The following ASAH2B variants were observed in gnomAD, a reference collection of about 807,000 sequenced individuals.
The protein encoded by ASAH2B is N-acylsphingosine amidohydrolase 2B.
A neutral mutation model predicts 2.9 loss-of-function variants in ASAH2B; 1 was observed. That is an observed-to-expected ratio of 0.34 (90% CI 0.12 to 1.63). The LOEUF (loss-of-function observed/expected upper bound fraction) is 1.63, where lower values mean the gene tolerates loss of function less well. Among genes scored for constraint, ASAH2B ranks in the 40% most tolerant of loss-of-function variants. The probability of loss-of-function intolerance (pLI) is 0.36; values close to 1 mark genes in which losing one functional copy is unlikely to be tolerated. For synonymous variants in ASAH2B, 4 were observed against 13.3 expected, an observed-to-expected ratio of 0.30 and a Z score of 1.52; for missense variants, 9 against 37.7, an observed-to-expected ratio of 0.24 and a Z score of 1.99.
intron 5 of ASAH2B, among the ~76,000 whole-genome samples, chr10:50,754,126 T>C (rs1467961857): frequency 2.0e-5 from 3 of 149,472 alleles, no homozygotes; most frequent in Non-Finnish European, 4.4e-5. Context: ...GTATTCATTT[T>C]CTATATATAT....
chr10:50,744,213 A>G (rs1325132403), intron 2 of ASAH2B, among the ~76,000 whole-genome samples: 5 of 151,740 alleles, frequency 3.3e-5, no homozygotes, highest in African/African-American at 1.2e-4. Context: ...AACTGTCACT[A>G]TGCTCATAGG....
rs1396754295 is a variant in ASAH2B at position 50,755,015 on chromosome 10, C to G, written c.*275C>G. 2.5e-6 allele frequency: 1 copy of G among 407,378 alleles called. No homozygotes were observed. The highest frequency in any genetic ancestry group is 4.3e-5 in the East Asian group (1 of 23,012). 25.2% of individuals were successfully genotyped at this position (407,378 alleles called of 1,614,324 possible). A position where few individuals can be genotyped will look rare whatever the true frequency, so the allele number is the denominator to read the frequency against. ...CAGCCATATATCTTGTGGTCTACAG[C>G]CTAAAGCATGATTTCCCTTGAAGTC... On this transcript the variant is annotated 3_prime_UTR_variant, in exon 6 of 6. Transcript: ENST00000647317.
Position 50,758,758 on chromosome 10 carries a change from A to G in ASAH2B, c.*4018A>G, listed in dbSNP as rs1564474890. 1 of 152,074 alleles carries G rather than the reference A, an allele frequency of 6.6e-6. No individual in the cohort carries two copies. The allele number at this position is 152,074 out of a possible 1,614,324, so 9.4% of individuals were successfully genotyped here. On this transcript the variant is annotated 3_prime_UTR_variant, in exon 6 of 6. Transcript: ENST00000647317. ...TATGCTAAATCCTAAGAATGAAACA[A>G]TAATGAAGGCAAAGCTATTCCCTGC...
chr10:50,740,235 CCCAGCAG>C lies in ASAH2B; in HGVS notation c.-100+253_-100+259del, dbSNP rs1839808129. 2.6e-5 allele frequency among the ~76,000 whole-genome samples: 4 copies of C among 152,170 alleles called. No individual in the cohort carries two copies. In the South Asian group the frequency reaches 8.3e-4, roughly 32 times the overall value. Reference sequence around the variant, plus strand: ...AGACGTCGTTTCCTGGCGACGTGGTCCCAGCAGGCGACTCGGACCTGAGCCGAATCTG... The same window carrying C: ...AGACGTCGTTTCCTGGCGACGTGGTCGCGACTCGGACCTGAGCCGAATCTG... On this transcript the variant is annotated intron_variant, in intron 1 of 5. Transcript: ENST00000647317.
At chr10:50,740,066 A>G (rs1254356335) in intron 1 of ASAH2B, 83 bp downstream of exon 1, 1 of 155,856 alleles carries the variant, frequency 6.4e-6, no homozygotes, top group African/African-American at 2.4e-5. Flanking sequence ...GCGCGTGGGA[A>G]GGTCCTTCCC....
chr10:50,753,963 T>G (rs1837027426), intron 5 of ASAH2B, among the ~76,000 whole-genome samples: 1 of 117,570 alleles, frequency 8.5e-6, no homozygotes. Flanking sequence ...TACACTAAAC[T>G]TGTCATTCTT....
chr10:50,758,474 C>CG lies in ASAH2B; in HGVS notation c.*3734_*3735insG, dbSNP rs1179444603. 1.4e-5 allele frequency: 2 copies of CG among 142,782 alleles called. No homozygotes were observed. The highest frequency in any genetic ancestry group is 3.1e-5 in the Non-Finnish European group (2 of 65,404). The allele number at this position is 142,782 out of a possible 1,614,324, so 8.8% of individuals were successfully genotyped here. On this transcript the variant is annotated 3_prime_UTR_variant, in exon 6 of 6. Coordinates refer to ENST00000647317, the MANE Select transcript of ASAH2B (RefSeq NM_001321958.2). ...TTCGTGAAGCTTCCACATTACTGTGCATTTTTCACTGGGCAGGTGACAGAA... is the reference window on the plus strand; with the variant it reads ...TTCGTGAAGCTTCCACATTACTGTGCGATTTTTCACTGGGCAGGTGACAGAA...
intron 3 of ASAH2B, among the ~76,000 whole-genome samples, chr10:50,747,200 T>C (rs1441493026): frequency 6.6e-6 from 1 of 151,142 alleles, no homozygotes; most frequent in Admixed American, 6.6e-5. Flanking sequence ...TTCTTCTGCA[T>C]GTGGATATCC....
At chr10:50,742,834 A>G in intron 1 of ASAH2B, 81 bp from the exon 2 acceptor site, 1 of 1,387,854 alleles carries the variant, frequency 7.2e-7, no homozygotes, top group Non-Finnish European at 1.0e-6. Context: ...GTCAAGCATC[A>G]CACTTACCTA....
At chr10:50,740,256 G>A (rs1441982232) in intron 1 of ASAH2B, among the ~76,000 whole-genome samples, 2 of 152,106 alleles carry the variant, frequency 1.3e-5, no homozygotes, top group Non-Finnish European at 2.9e-5. Context: ...ACTCGGACCT[G>A]AGCCGAATCT....
At chr10:50,747,612 G>C (rs1456282367) in intron 3 of ASAH2B, among the ~76,000 whole-genome samples, 1 of 151,138 alleles carries the variant, frequency 6.6e-6, no homozygotes, top group African/African-American at 2.4e-5. Context: ...CTTATTGCAA[G>C]TTTTTGTCAG....
chr10:50,742,976 A>C lies in ASAH2B; in HGVS notation c.-38A>C. The stretch of plus-strand genomic sequence containing the variant: ...CCGCACGCATTATCTGCTTACATTC[A>C]GCTCTTCAGAAACCTTGCTAAGGCT... On this transcript the variant is annotated 5_prime_UTR_variant, in exon 2 of 6. Transcript: ENST00000647317. 3 of 1,614,010 alleles carry C rather than the reference A, an allele frequency of 1.9e-6. No homozygotes were observed. The highest frequency in any genetic ancestry group is 2.5e-6 in the Non-Finnish European group (3 of 1,179,988).
Position 50,756,908 on chromosome 10 carries a change from G to T in ASAH2B, c.*2168G>T, listed in dbSNP as rs1189930461. ...GGATGCTGCAAGGACTGGCTCACTG[G>T]AGCCAAACCATGTGGCGGAAACTCC... is the stretch of plus-strand genomic sequence containing the variant. On this transcript the variant is annotated 3_prime_UTR_variant, in exon 6 of 6. Transcript: ENST00000647317. 1.3e-5 allele frequency: 2 copies of T among 151,728 alleles called. No individual in the cohort carries two copies. Among genetic ancestry groups the T allele is most frequent in the African/African-American group, 4.8e-5 (2 of 41,370 alleles). The allele number at this position is 151,728 out of a possible 1,614,324, so 9.4% of individuals were successfully genotyped here.
At chr10:50,747,523 G>C (rs140504286) in intron 3 of ASAH2B, among the ~76,000 whole-genome samples, 4,542 of 151,648 alleles carry the variant, frequency 0.03, 143 homozygotes, top group African/African-American at 0.1. Flanking sequence ...TAGTAGAAAA[G>C]TATTCAGTTT....
At chr10:50,742,348 G>T (rs1364466236) in intron 1 of ASAH2B, among the ~76,000 whole-genome samples, 1 of 152,124 alleles carries the variant, frequency 6.6e-6, no homozygotes, top group Admixed American at 6.5e-5. Context: ...GATGACATTC[G>T]CTGAGATGAG....
In ASAH2B at chr10:50,757,039, C is replaced by G. The variant is rs2132737626; in HGVS notation, c.*2299C>G. On this transcript the variant is annotated 3_prime_UTR_variant, in exon 6 of 6. Transcript: ENST00000647317. ...GTGTCTGCATTTTATTTGCTGTACC[C>G]TGCCTACTCTGGTTTTAAGGATTTT... The G allele has an allele frequency of 6.6e-6, 1 of 151,758 alleles. No homozygotes were observed. The highest frequency in any genetic ancestry group is 2.1e-4 in the South Asian group (1 of 4,824). The allele number at this position is 151,758 out of a possible 1,614,324, so 9.4% of individuals were successfully genotyped here.
At chr10:50,748,425 C>A (rs1399386619) in intron 3 of ASAH2B, among the ~76,000 whole-genome samples, 2 of 148,814 alleles carry the variant, frequency 1.3e-5, no homozygotes, top group Non-Finnish European at 3.0e-5. Context: ...CCCAGCACCC[C>A]TCATCCCCTC....
intron 2 of ASAH2B, chr10:50,744,814 C>G (rs185213596): frequency 2.6e-6 from 1 of 382,348 alleles, no homozygotes; most frequent in East Asian, 5.2e-5. Context: ...ATGTTAGGCC[C>G]CTGTACAAGG....
In ASAH2B at chr10:50,743,058, G is replaced by T. The variant is rs746092924; in HGVS notation, c.-4+48G>T. 4 of 1,525,544 alleles carry T rather than the reference G, an allele frequency of 2.6e-6. No individual in the cohort carries two copies. In the African/African-American group the frequency reaches 5.5e-5, roughly 21 times the overall value. 94.5% of individuals were successfully genotyped at this position (1,525,544 alleles called of 1,614,324 possible). On this transcript the variant is annotated intron_variant, in intron 2 of 5. Coordinates refer to ENST00000647317, the MANE Select transcript of ASAH2B (RefSeq NM_001321958.2). ...TGCGTGCGTGCGTGTGTGTGTGTGT[G>T]TATGTCTGTATGTGTCTGTGTCTGG...
Sources: gnomAD v4.1 joint callset for allele counts (sites outside exome capture counted in the v4.1 genomes callset) on GRCh38, gnomAD v4.1.1 for gene constraint, MANE v1.5 for transcripts, NCBI Gene and HGNC (gene_info 2026-07-23, HGNC 2026-07-21) for gene names.